The following KCNN1 variants were observed in gnomAD, a reference collection of about 807,000 sequenced individuals.
The protein encoded by KCNN1 is potassium calcium-activated channel subfamily N member 1.
KCNN1 carries 20 observed loss-of-function variants against 44.7 expected under a neutral mutation model. The ratio of observed to expected loss-of-function variants is 0.45; its 90% CI spans 0.32 to 0.65. The LOEUF (loss-of-function observed/expected upper bound fraction) is 0.65, where lower values mean the gene tolerates loss of function less well. Among genes scored for constraint, KCNN1 ranks in the 30% least tolerant of loss-of-function variants. KCNN1 has a pLI of 0.05. For synonymous variants in KCNN1, 324 were observed against 341.7 expected (o/e 0.95, Z 0.57); for missense variants, 632 against 785.3 (o/e 0.80, Z 2.33).
At chr19:17,969,166 A>G (rs753149221) in intron 1 of KCNN1, among the ~76,000 whole-genome samples, 1 of 151,950 alleles carries the variant, frequency 6.6e-6, no homozygotes, top group Non-Finnish European at 1.5e-5. Flanking sequence ...GTACCCAGGA[A>G]TGGGGAAGGC....
At chr19:17,990,137 T>C (rs370509380) in intron 7 of KCNN1, 6 of 547,146 alleles carry the variant, frequency 1.1e-5, no homozygotes, top group African/African-American at 1.9e-5. Context: ...TTTTGCTTTG[T>C]CTGCCAGGAG....
chr19:17,993,244 A>T lies in KCNN1; in HGVS notation c.1307+182A>T, dbSNP rs2032859566. 6.6e-6 allele frequency among the ~76,000 whole-genome samples: 1 copy of T among 152,010 alleles called. No homozygotes were observed. Among genetic ancestry groups the T allele is most frequent in the African/African-American group, 2.4e-5 (1 of 41,356 alleles). ...GATCCAACTTCCTGGGGCAGTCCTG[A>T]GTTGGGCCGGAGACAGGACCAGCCA... On this transcript the variant is annotated intron_variant, in intron 8 of 9. Coordinates refer to ENST00000684775, the MANE Select transcript of KCNN1 (RefSeq NM_001386974.1). The surrounding 1 kb of genome is among the most constrained non-coding windows in gnomAD (Gnocchi z 4.5).
intron 3 of KCNN1, among the ~76,000 whole-genome samples, chr19:17,976,463 G>C (rs1250893787): frequency 2.0e-5 from 3 of 151,362 alleles, no homozygotes; most frequent in Non-Finnish European, 4.4e-5. Flanking sequence ...TGTTGTCCAG[G>C]CTGGAGTGCA....
Position 17,974,795 on chromosome 19 carries a change from CAT to C in KCNN1, c.403-295_403-294del, listed in dbSNP as rs1345699711. 1.3e-5 allele frequency among the ~76,000 whole-genome samples: 2 copies of C among 152,220 alleles called. No homozygotes were observed. Among genetic ancestry groups the C allele is most frequent in the East Asian group, 3.8e-4 (2 of 5,202 alleles). ...GCTGTGCCCAAGTGAGGCCAGGCCT[CAT>C]AAACTGTGAAGCACTGGACACATCT... is the stretch of plus-strand genomic sequence containing the variant. On this transcript the variant is annotated intron_variant, in intron 2 of 9. Transcript: ENST00000684775. This position sits in a 1 kb window ranked among gnomAD's most constrained non-coding sequence, Gnocchi z 7.3.
chr19:17,988,344 G>A (rs1417967758), intron 5 of KCNN1, 71 bp from the exon 6 acceptor site: 2 of 1,274,814 alleles, frequency 1.6e-6, no homozygotes, highest in Non-Finnish European at 1.1e-6. Context: ...GCTGCAATCT[G>A]GGCAGGCTTC....
chr19:17,962,431 A>G (rs749430968), upstream of KCNN1, among the ~76,000 whole-genome samples: 2 of 151,908 alleles, frequency 1.3e-5, no homozygotes, highest in Non-Finnish European at 2.9e-5. Flanking sequence ...TTGTGTATTT[A>G]TCATATCAAA....
intron 3 of KCNN1, among the ~76,000 whole-genome samples, chr19:17,977,376 C>CT (rs1348662752): frequency 6.6e-6 from 1 of 151,530 alleles, no homozygotes; most frequent in Non-Finnish European, 1.5e-5. Context: ...GAGTTTCACT[C>CT]TGTCACCCAC....
intron 3 of KCNN1, among the ~76,000 whole-genome samples, chr19:17,979,432 C>CAAAAAAA (rs35265456): frequency 2.0e-5 from 1 of 48,786 alleles, no homozygotes; most frequent in Non-Finnish European, 3.7e-5. Flanking sequence ...GACTCCGTCT[C>CAAAAAAA]AAAAAAAAAA....
chr19:17,969,606 C>T (rs951839188), intron 1 of KCNN1, among the ~76,000 whole-genome samples: 1 of 152,192 alleles, frequency 6.6e-6, no homozygotes, highest in East Asian at 1.9e-4. Flanking sequence ...CGAGGAGGAA[C>T]ATGGCAGACA....
chr19:17,968,962 A>G (rs2031918245), intron 1 of KCNN1, among the ~76,000 whole-genome samples: 1 of 152,074 alleles, frequency 6.6e-6, no homozygotes, highest in Non-Finnish European at 1.5e-5. Context: ...AATAGCTGGA[A>G]CTAGGTATAT....
At chr19:17,971,038 C>T (rs1371784941) in intron 1 of KCNN1, among the ~76,000 whole-genome samples, 1 of 152,058 alleles carries the variant, frequency 6.6e-6, no homozygotes, top group Non-Finnish European at 1.5e-5. Flanking sequence ...TGCCCACCAC[C>T]ACACCTGGCT....
At chr19:17,990,830 A>G (rs1043989811) in intron 7 of KCNN1, among the ~76,000 whole-genome samples, 1 of 151,752 alleles carries the variant, frequency 6.6e-6, no homozygotes, top group Non-Finnish European at 1.5e-5. Context: ...AAAAAGAAAA[A>G]AAAGAAGAAA....
chr19:17,966,023 G>GCCTGCCTTCCTTCCTTCCTT, upstream of KCNN1, among the ~76,000 whole-genome samples: 2 of 119,706 alleles, frequency 1.7e-5, no homozygotes, highest in South Asian at 3.0e-4. Flanking sequence ...CTGCCTGCCT[G>GCCTGCCTTCCTTCCTTCCTT]CCTTCCTTCC....
At position 17,982,114 on chromosome 19, in the gene KCNN1, C is replaced by G. The variant is rs774227733; in HGVS notation, c.904C>G (p.Arg302Gly). 1 of 1,569,194 alleles carries G rather than the reference C, an allele frequency of 6.4e-7. No individual in the cohort carries two copies. Among genetic ancestry groups the G allele is most frequent in the Non-Finnish European group, 8.6e-7 (1 of 1,158,118 alleles). Residue 302 changes from arginine (R) to glycine (G), a missense_variant, in exon 4 of 10, where the codon CGC becomes GGC. Transcript: ENST00000684775. Reference sequence around the variant, plus strand: ...CTGGATCATCGCAGCCTGGACCGTGCGCGTCTGCGAGAGGTGCGACCGCCG... The same window carrying G: ...CTGGATCATCGCAGCCTGGACCGTGGGCGTCTGCGAGAGGTGCGACCGCCG... The part of the protein sequence containing the change: ...SSWIIAAWTV[R>G]VCERYHDKQE...
At chr19:17,965,549 C>T (rs552951825), upstream of KCNN1, among the ~76,000 whole-genome samples, 12 of 151,968 alleles carry the variant, frequency 7.9e-5, no homozygotes, top group South Asian at 4.2e-4. Flanking sequence ...GGAACTGTGG[C>T]GAGGGGAGAC....
At chr19:17,958,589 G>T (rs2031599711) in intron 2 of KCNN1, among the ~76,000 whole-genome samples, 1 of 150,672 alleles carries the variant, frequency 6.6e-6, no homozygotes, top group South Asian at 2.1e-4. Context: ...AGGCTCAAGT[G>T]ATTCTCGTGC....
intron 7 of KCNN1, among the ~76,000 whole-genome samples, chr19:17,990,255 C>CCGAGGTGGGTGGATCACG (rs1555770922): frequency 6.6e-6 from 1 of 151,454 alleles, no homozygotes; most frequent in African/African-American, 2.4e-5. Context: ...CTTTGGGAGG[C>CCGAGGTGGGTGGATCACG]AGGAAGATCG....
At chr19:17,954,186 G>T (rs950545084) in intron 1 of KCNN1, among the ~76,000 whole-genome samples, 1 of 152,286 alleles carries the variant, frequency 6.6e-6, no homozygotes, top group African/African-American at 2.4e-5. Context: ...AAGCCAGAGC[G>T]CAGATCTGCT....
In KCNN1 at chr19:17,967,120, C is replaced by T. The variant is rs998243374; in HGVS notation, c.-279C>T. On this transcript the variant is annotated 5_prime_UTR_variant, in exon 1 of 10. Coordinates refer to ENST00000684775, the MANE Select transcript of KCNN1 (RefSeq NM_001386974.1). Reference sequence around the variant, plus strand: ...CCCGGCCCGGGCGGGCGCTCGCCCCCCGCCGGGCCCGTGGACTGGGCGGCG... The same window carrying T: ...CCCGGCCCGGGCGGGCGCTCGCCCCTCGCCGGGCCCGTGGACTGGGCGGCG... 4.9e-5 allele frequency: 48 copies of T among 978,478 alleles called. No individual in the cohort carries two copies. The highest frequency in any genetic ancestry group is 5.7e-5 in the Non-Finnish European group (47 of 825,874). 60.6% of individuals were successfully genotyped at this position (978,478 alleles called of 1,614,324 possible). A position where few individuals can be genotyped will look rare whatever the true frequency, so the allele number is the denominator to read the frequency against.
Sources: allele counts gnomAD v4.1 joint callset (sites outside exome capture counted in the v4.1 genomes callset), GRCh38; gene constraint gnomAD v4.1.1; non-coding constraint Gnocchi (gnomAD v3.1); transcripts MANE v1.5; gene names NCBI Gene and HGNC (gene_info 2026-07-23, HGNC 2026-07-21).